RAPGEF4: variants seen among roughly 807,000 people sequenced by gnomAD.
The protein encoded by RAPGEF4 is RAP guanine-nucleotide-exchange factor (GEF) 4.
Under a neutral mutation model 147.9 loss-of-function variants are expected in RAPGEF4, and 66 were observed. That is an observed-to-expected ratio of 0.45 (90% CI 0.37 to 0.55). RAPGEF4 has a LOEUF of 0.55. RAPGEF4 is among the 20% of genes least tolerant of loss of function. The pLI, the probability that RAPGEF4 is intolerant of heterozygous loss-of-function variation, is 0.00. For missense variants in RAPGEF4, 1,071 were observed against 1,257.3 expected (o/e 0.85, Z 2.24); for synonymous variants, 419 against 442.7 (o/e 0.95, Z 0.67).
intron 1 of RAPGEF4, among the ~76,000 whole-genome samples, chr2:172,789,191 A>G (rs6725226): frequency 0.82 from 124,465 of 152,246 alleles, 51,438 homozygotes; most frequent in East Asian, 0.95. Context: ...AGGCCCAACC[A>G]GGAAAACCTC....
chr2:172,998,577 G>T (rs1289869747), intron 16 of RAPGEF4, among the ~76,000 whole-genome samples: 1 of 152,160 alleles, frequency 6.6e-6, no homozygotes, highest in South Asian at 2.1e-4. Context: ...AAAAGGTAGA[G>T]CCAAGCACTG....
chr2:172,740,260 GA>G (rs1359038987), intron 1 of RAPGEF4, among the ~76,000 whole-genome samples: 17 of 152,210 alleles, frequency 1.1e-4, no homozygotes, highest in African/African-American at 4.1e-4. Context: ...ATTTGGAAAG[GA>G]GTTCACAGTG....
intron 9 of RAPGEF4, among the ~76,000 whole-genome samples, chr2:172,965,937 C>A (rs1023040403): frequency 2.0e-5 from 3 of 152,302 alleles, no homozygotes; most frequent in African/African-American, 7.2e-5. Context: ...TGCATCAGTT[C>A]CAATTATGTT....
At chr2:172,790,714 A>T (rs1685726065) in intron 1 of RAPGEF4, among the ~76,000 whole-genome samples, 2 of 152,334 alleles carry the variant, frequency 1.3e-5, no homozygotes, top group South Asian at 4.1e-4. Context: ...CTAGGATAGG[A>T]CTGCCATGCT....
intron 4 of RAPGEF4, among the ~76,000 whole-genome samples, chr2:172,891,590 G>A (rs947114430): frequency 6.6e-6 from 1 of 152,184 alleles, no homozygotes; most frequent in Non-Finnish European, 1.5e-5. Context: ...CATTGACAGT[G>A]GTTCTGCGTG....
intron 1 of RAPGEF4, among the ~76,000 whole-genome samples, chr2:172,790,241 A>G (rs557984896): frequency 6.6e-6 from 1 of 152,202 alleles, no homozygotes; most frequent in South Asian, 2.1e-4. Context: ...GGCCATTTGT[A>G]TGTCTTCTTT....
intron 13 of RAPGEF4, 66 bp downstream of exon 13, chr2:172,988,338 A>G: frequency 6.5e-7 from 1 of 1,539,914 alleles, no homozygotes; most frequent in Non-Finnish European, 8.7e-7. Context: ...TCTAAGTATT[A>G]GCAATGTAGT....
At chr2:172,786,718 T>A (rs1422870410) in intron 1 of RAPGEF4, among the ~76,000 whole-genome samples, 1 of 151,910 alleles carries the variant, frequency 6.6e-6, no homozygotes, top group Non-Finnish European at 1.5e-5. Flanking sequence ...CTACAAAAAA[T>A]TTTCAAAATT....
intron 19 of RAPGEF4, 84 bp downstream of exon 19, chr2:173,016,521 G>T: frequency 8.7e-7 from 1 of 1,151,658 alleles, no homozygotes; most frequent in East Asian, 2.4e-5. Flanking sequence ...GTTAAAGCTG[G>T]TCTTTCCATA....
At chr2:172,850,130 C>T (rs1207501621) in intron 4 of RAPGEF4, among the ~76,000 whole-genome samples, 3 of 151,888 alleles carry the variant, frequency 2.0e-5, no homozygotes, top group East Asian at 1.9e-4. Context: ...GAGTGGAGGG[C>T]GTGGGGATGC....
intron 6 of RAPGEF4, among the ~76,000 whole-genome samples, chr2:172,938,803 C>T (rs577187380): frequency 4.6e-5 from 7 of 152,184 alleles, no homozygotes; most frequent in Non-Finnish European, 1.0e-4. Flanking sequence ...AATAGTTTTA[C>T]TGCCCTAAGC....
intron 1 of RAPGEF4, among the ~76,000 whole-genome samples, chr2:172,770,435 T>C (rs938503101): frequency 2.6e-5 from 4 of 152,214 alleles, no homozygotes; most frequent in Non-Finnish European, 5.9e-5. Flanking sequence ...TTTAAGGCTA[T>C]TGTGAGGATT....
At chr2:172,969,627 A>G (rs534665264) in intron 10 of RAPGEF4, among the ~76,000 whole-genome samples, 40 of 152,244 alleles carry the variant, frequency 2.6e-4, no homozygotes, top group Non-Finnish European at 4.0e-4. Context: ...TGATTCACAA[A>G]TGTTTTTGAA....
intron 29 of RAPGEF4, chr2:173,036,894 G>A: frequency 2.2e-6 from 1 of 460,120 alleles, no homozygotes; most frequent in Non-Finnish European, 3.9e-6. Context: ...GTATTTGTGT[G>A]GTGGTTCACA....
At position 172,927,998 on chromosome 2, in the gene RAPGEF4, A is replaced by G. The variant is rs114009187; in HGVS notation, c.537+5698A>G. Among the ~76,000 whole-genome samples, 1,213 of 152,332 alleles carry G rather than the reference A, an allele frequency of 8.0e-3. 15 individuals are homozygous for G. Among genetic ancestry groups the G allele is most frequent in the African/African-American group, 0.027 (1,112 of 41,576 alleles). Reference sequence around the variant, plus strand: ...ATCTTGTCCTGATTTTGAAGGACACATTGCTTATCACCCAAATGAAGATTA... The same window carrying G: ...ATCTTGTCCTGATTTTGAAGGACACGTTGCTTATCACCCAAATGAAGATTA... On this transcript the variant is annotated intron_variant, in intron 6 of 30. Transcript: ENST00000397081.
At chr2:172,746,707 G>A (rs1285856029) in intron 1 of RAPGEF4, among the ~76,000 whole-genome samples, 1 of 151,916 alleles carries the variant, frequency 6.6e-6, no homozygotes, top group Non-Finnish European at 1.5e-5. Context: ...CCGCCTCCCG[G>A]GTTCAAGCAA....
At chr2:172,930,685 T>C (rs1252413956) in intron 6 of RAPGEF4, among the ~76,000 whole-genome samples, 1 of 152,158 alleles carries the variant, frequency 6.6e-6, no homozygotes, top group Non-Finnish European at 1.5e-5. Context: ...GATAAGAATG[T>C]TTTTGATTTG....
chr2:172,883,397 T>G (rs1696837287), intron 4 of RAPGEF4, among the ~76,000 whole-genome samples: 2 of 152,090 alleles, frequency 1.3e-5, no homozygotes, highest in South Asian at 4.2e-4. Context: ...ATTCATGAGG[T>G]GGAGCCCTCA....
intron 6 of RAPGEF4, among the ~76,000 whole-genome samples, chr2:172,939,038 A>G (rs1686885645): frequency 6.6e-6 from 1 of 152,224 alleles, no homozygotes; most frequent in African/African-American, 2.4e-5. Flanking sequence ...ATATAAATGT[A>G]CTACGGTTTA....
Sources: allele counts gnomAD v4.1 joint callset (sites outside exome capture counted in the v4.1 genomes callset), GRCh38; gene constraint gnomAD v4.1.1; transcripts MANE v1.5; gene names NCBI Gene and HGNC (gene_info 2026-07-23, HGNC 2026-07-21).